The following ADGRG4 variants were observed in gnomAD, a reference collection of about 807,000 sequenced individuals.
ADGRG4 encodes the protein G protein-coupled receptor 112.
Under a neutral mutation model 126.2 loss-of-function variants are expected in ADGRG4, and 122 were observed. The ratio of observed to expected loss-of-function variants is 0.97; its 90% confidence interval spans 0.83 to 1.12. ADGRG4 has a LOEUF of 1.12. Ranked by LOEUF, ADGRG4 falls within the 50% of genes most tolerant of loss-of-function variation. The pLI, the probability that ADGRG4 is intolerant of heterozygous loss-of-function variation, is 0.00. For synonymous variants in ADGRG4, 943 were observed against 838.7 expected, an observed-to-expected ratio of 1.12 and a Z score of -2.15; for missense variants, 2,481 against 2,251.8, an observed-to-expected ratio of 1.10 and a Z score of -2.06.
At chrX:136,407,815 A>G (rs1670603603) in intron 23 of ADGRG4, among the ~76,000 whole-genome samples, 2 of 111,647 alleles carry the variant, frequency 1.8e-5, no homozygotes, top group Admixed American at 1.9e-4. Flanking sequence ...GTTGTATTCT[A>G]GTGTAGGACT....
chrX:136,302,591 A>G (rs989790253), intron 1 of ADGRG4, among the ~76,000 whole-genome samples: 3 of 111,836 alleles, frequency 2.7e-5, no homozygotes, highest in African/African-American at 9.8e-5. Flanking sequence ...ACCTGTTCCA[A>G]CTTTAAAACA....
chrX:136,378,679 G>A (rs1192947203), intron 15 of ADGRG4, among the ~76,000 whole-genome samples: 1 of 110,910 alleles, frequency 9.0e-6, no homozygotes, highest in Non-Finnish European at 1.9e-5. Flanking sequence ...TTCTATTCTT[G>A]GTTTCCTGAA....
In ADGRG4 at chrX:136,344,614, T is replaced by TA; in HGVS notation, c.911dup (p.Thr305AspfsTer5). On this transcript the variant is annotated frameshift_variant, in exon 6 of 26. Transcript: ENST00000394143. LOFTEE classifies it high-confidence loss of function. ...GAAACAATGACTGCACAAAAAATCT[T>TA]AAAGACACTGGTAGATGAGACAGCT... 1 of 1,209,180 alleles carries TA rather than the reference T, an allele frequency of 8.3e-7. No individual in the cohort carries two copies.
intron 25 of ADGRG4, among the ~76,000 whole-genome samples, chrX:136,415,561 C>T (rs1192488799): frequency 9.0e-6 from 1 of 110,955 alleles, no homozygotes; most frequent in Non-Finnish European, 1.9e-5. Flanking sequence ...TAGTGATGCA[C>T]ATGAGAAAAA....
chrX:136,385,418 T>G (rs909682906), intron 15 of ADGRG4, among the ~76,000 whole-genome samples: 8 of 112,252 alleles, frequency 7.1e-5, no homozygotes, highest in African/African-American at 2.6e-4. Flanking sequence ...AATTTACTTT[T>G]TAAAAATTCC....
chrX:136,383,426 G>A (rs1175022626), intron 15 of ADGRG4, among the ~76,000 whole-genome samples: 1 of 111,646 alleles, frequency 9.0e-6, no homozygotes, highest in Admixed American at 9.5e-5. Context: ...CTGTCTTGAA[G>A]TTATTTTATC....
At chrX:136,388,915 C>T (rs1005182969) in intron 16 of ADGRG4, among the ~76,000 whole-genome samples, 14 of 112,200 alleles carry the variant, frequency 1.2e-4, no homozygotes, top group Non-Finnish European at 2.1e-4. Context: ...AAAGTCAATA[C>T]AATAATTTTC....
At chrX:136,337,404 G>T (rs942028939) in intron 5 of ADGRG4, among the ~76,000 whole-genome samples, 1 of 111,882 alleles carries the variant, frequency 8.9e-6, no homozygotes, top group African/African-American at 3.2e-5. Context: ...TCCTTTGCTC[G>T]TTTTTTCTTT....
chrX:136,334,796 T>A (rs1160634165), intron 5 of ADGRG4, among the ~76,000 whole-genome samples: 1 of 112,214 alleles, frequency 8.9e-6, no homozygotes, highest in Non-Finnish European at 1.9e-5. Flanking sequence ...TGAACTCATT[T>A]ATAAGTTCTG....
chrX:136,414,516 T>C (rs1379853701), intron 25 of ADGRG4, among the ~76,000 whole-genome samples, 189 bp downstream of exon 25: 1 of 112,674 alleles, frequency 8.9e-6, no homozygotes, highest in African/African-American at 3.2e-5. Flanking sequence ...GAAGTGTGTA[T>C]AGGTGTTTCT....
Position 136,400,246 on chromosome X carries a change from CT to C in ADGRG4, c.8575+138del, listed in dbSNP as rs953827422. On this transcript the variant is annotated intron_variant, in intron 21 of 25. Transcript: ENST00000394143. ...GCCTTGCTGGTGTTTGGGCATGCAT[CT>C]TTTTTTTCTGCCTGTATTGCTCTAT... is the stretch of plus-strand genomic sequence containing the variant. 8.0e-5 allele frequency: 42 copies of C among 523,295 alleles called. No homozygotes were observed. The Admixed American group carries it at 1.0e-3, about 13-fold the overall frequency. 43.1% of individuals were successfully genotyped at this position (523,295 alleles called of 1,213,427 possible). A position where few individuals can be genotyped will look rare whatever the true frequency, so the allele number is the denominator to read the frequency against.
At chrX:136,305,471 C>T (rs1401580140) in intron 3 of ADGRG4, among the ~76,000 whole-genome samples, 3 of 112,078 alleles carry the variant, frequency 2.7e-5, no homozygotes, top group Non-Finnish European at 5.6e-5. Context: ...GAATCCTCCA[C>T]GGGATTTTGG....
chrX:136,366,544 G>T (rs759406271), intron 13 of ADGRG4, among the ~76,000 whole-genome samples: 9 of 112,219 alleles, frequency 8.0e-5, no homozygotes, highest in African/African-American at 2.6e-4. Flanking sequence ...ACTCATTTGG[G>T]TAAAGAACAA....
intron 15 of ADGRG4, among the ~76,000 whole-genome samples, chrX:136,378,056 T>C (rs2075238697): frequency 9.0e-6 from 1 of 111,318 alleles, no homozygotes; most frequent in Non-Finnish European, 1.9e-5. Context: ...TTGAAGTTAT[T>C]GGTCAATTTT....
In ADGRG4 at chrX:136,359,468, G is replaced by C. The variant is rs749359545; in HGVS notation, c.7144+13G>C. 1.7e-6 allele frequency: 2 copies of C among 1,165,743 alleles called. No individual in the cohort carries two copies. Among genetic ancestry groups the C allele is most frequent in the Non-Finnish European group, 2.3e-6 (2 of 863,421 alleles). ...GTGAAAAAACTAGGTAATTTTTTTG[G>C]GGGGTGGATATTGCAGTATGAACTT... On this transcript the variant is annotated intron_variant, in intron 11 of 25. Transcript: ENST00000394143.
chrX:136,314,684 C>T (rs1381931685), intron 4 of ADGRG4, among the ~76,000 whole-genome samples: 1 of 112,115 alleles, frequency 8.9e-6, no homozygotes, highest in African/African-American at 3.2e-5. Context: ...CAATTTCTTT[C>T]AGAGTACTGT....
At chrX:136,375,631 G>A (rs751811149) in intron 15 of ADGRG4, among the ~76,000 whole-genome samples, 1 of 111,904 alleles carries the variant, frequency 8.9e-6, no homozygotes, top group Non-Finnish European at 1.9e-5. Context: ...TTTCCCTGAT[G>A]GTTAGTGATA....
At chrX:136,339,597 G>A (rs2074967730) in intron 5 of ADGRG4, among the ~76,000 whole-genome samples, 1 of 112,538 alleles carries the variant, frequency 8.9e-6, no homozygotes, top group African/African-American at 3.2e-5. Flanking sequence ...GGATTAGGAA[G>A]CATAGGGCCT....
intron 5 of ADGRG4, among the ~76,000 whole-genome samples, chrX:136,338,517 T>A (rs1332053318): frequency 2.7e-5 from 3 of 112,105 alleles, no homozygotes; most frequent in Non-Finnish European, 5.6e-5. Flanking sequence ...TAGGTAAATG[T>A]GTGCCATGGT....
Sources: allele counts gnomAD v4.1 joint callset (sites outside exome capture counted in the v4.1 genomes callset), GRCh38; gene constraint gnomAD v4.1.1; transcripts MANE v1.5; gene names NCBI Gene and HGNC (gene_info 2026-07-23, HGNC 2026-07-21).